PDE11A: variants seen among roughly 807,000 people sequenced by gnomAD.
PDE11A encodes dual 3',5'-cyclic-AMP and -GMP phosphodiesterase 11A.
Under a neutral mutation model 100.5 loss-of-function variants are expected in PDE11A, and 100 were observed. The ratio of observed to expected loss-of-function variants is 1.00; its 90% CI spans 0.85 to 1.18. The LOEUF (loss-of-function observed/expected upper bound fraction) is 1.18, where lower values mean the gene tolerates loss of function less well. Among genes scored for constraint, PDE11A ranks in the 50% most tolerant of loss-of-function variants. The pLI is 0.00. For missense variants in PDE11A, 1,141 were observed against 1,152.6 expected (o/e 0.99, Z 0.15); for synonymous variants, 381 against 420.8 (o/e 0.91, Z 1.16).
intron 9 of PDE11A, among the ~76,000 whole-genome samples, chr2:177,771,379 A>T (rs1198229037): frequency 6.6e-6 from 1 of 152,208 alleles, no homozygotes; most frequent in African/African-American, 2.4e-5. Flanking sequence ...GACCTATGGC[A>T]CATACCATTT....
At chr2:178,100,813 C>T (rs982366160) in intron 2 of PDE11A, among the ~76,000 whole-genome samples, 15 of 152,150 alleles carry the variant, frequency 9.9e-5, no homozygotes, top group South Asian at 8.3e-4. Flanking sequence ...TTCAAATCAA[C>T]GCTATTGAGG....
rs374942202 is a variant in PDE11A, at chr2:177,663,872, C to G, written c.2640G>C (p.Leu880Phe). 25 of 1,572,942 alleles carry G rather than the reference C, an allele frequency of 1.6e-5. 1 individual carries two copies. In the South Asian group the frequency reaches 2.8e-4, roughly 17 times the overall value. Reference sequence around the variant, plus strand: ...CCCTCCCAAATCAAAGTACCTGATACAAAGGCATGCAGATGCTATCAATCC... The same window carrying G: ...CCCTCCCAAATCAAAGTACCTGATAGAAAGGCATGCAGATGCTATCAATCC... ...LEWIDSICMPLYQALVKVNVK... is the reference protein window; with the variant it reads ...LEWIDSICMPFYQALVKVNVK... The change falls in exon 19 of 20, where the codon TTG (leucine) becomes TTC (phenylalanine). Residue 880 changes from leucine (L) to phenylalanine (F), a missense_variant. Leu to Phe is a conservative substitution (Grantham distance 22). Coordinates refer to ENST00000286063, the MANE Select transcript of PDE11A (RefSeq NM_016953.4).
intron 10 of PDE11A, among the ~76,000 whole-genome samples, chr2:177,749,414 T>C (rs1241076778): frequency 6.6e-6 from 1 of 152,192 alleles, no homozygotes; most frequent in Non-Finnish European, 1.5e-5. Context: ...ATACTTTCTT[T>C]ATATATTGTC....
chr2:177,794,826 C>T (rs2082683164), intron 9 of PDE11A, among the ~76,000 whole-genome samples: 1 of 151,968 alleles, frequency 6.6e-6, no homozygotes, highest in Admixed American at 6.6e-5. Flanking sequence ...CGCACTGTTG[C>T]CCAGGCTGGA....
At chr2:177,651,130 A>G (rs1290320560) in intron 19 of PDE11A, among the ~76,000 whole-genome samples, 1 of 152,202 alleles carries the variant, frequency 6.6e-6, no homozygotes, top group African/African-American at 2.4e-5. Flanking sequence ...ATTAAATCAG[A>G]TCATGCTTGG....
Position 178,087,549 on chromosome 2 carries a change from CTG to C in PDE11A, c.162+16751_162+16752del, listed in dbSNP as rs771801271. Reference sequence around the variant, plus strand: ...AATAATGTATTCACATGGGCATAGACTGTGAAATGACAGACAAAGGAGACTTG... The same window carrying C: ...AATAATGTATTCACATGGGCATAGACTGAAATGACAGACAAAGGAGACTTG... On this transcript the variant is annotated intron_variant, in intron 2 of 20. Transcript: ENST00000358450. 3.3e-5 allele frequency among the ~76,000 whole-genome samples: 5 copies of C among 151,918 alleles called. No individual in the cohort carries two copies. In the South Asian group the frequency reaches 1.0e-3, roughly 32 times the overall value.
At chr2:177,660,101 C>CTTTCTT in intron 19 of PDE11A, among the ~76,000 whole-genome samples, 1 of 62,178 alleles carries the variant, frequency 1.6e-5, no homozygotes, top group African/African-American at 6.2e-5. Context: ...CTTTCTTTCT[C>CTTTCTT]TCTCTCTCTC....
intron 5 of PDE11A, among the ~76,000 whole-genome samples, chr2:177,865,762 A>G (rs756632289): frequency 6.6e-6 from 1 of 152,260 alleles, no homozygotes; most frequent in Non-Finnish European, 1.5e-5. Context: ...ATGGTCACAT[A>G]TTATATAATT....
intron 19 of PDE11A, among the ~76,000 whole-genome samples, chr2:177,653,087 T>A (rs2080333473): frequency 6.6e-6 from 1 of 152,194 alleles, no homozygotes; most frequent in Non-Finnish European, 1.5e-5. Context: ...AGGGAATTGG[T>A]TCATCGAGAG....
At chr2:178,094,439 G>A (rs748222280) in intron 2 of PDE11A, among the ~76,000 whole-genome samples, 3 of 152,178 alleles carry the variant, frequency 2.0e-5, no homozygotes, top group Non-Finnish European at 4.4e-5. Flanking sequence ...GGCTGAGGCG[G>A]GATGATCAGT....
At chr2:177,989,500 C>T (rs1313858850) in intron 2 of PDE11A, among the ~76,000 whole-genome samples, 1 of 152,186 alleles carries the variant, frequency 6.6e-6, no homozygotes, top group Non-Finnish European at 1.5e-5. Flanking sequence ...ATGCCATTGA[C>T]ACAGTGGGGA....
chr2:177,914,231 A>C (rs2084921383), intron 2 of PDE11A, among the ~76,000 whole-genome samples: 1 of 152,118 alleles, frequency 6.6e-6, no homozygotes, highest in African/African-American at 2.4e-5. Context: ...TTGCTCAGTA[A>C]GTACCCTTTA....
In PDE11A at chr2:177,792,560, T is replaced by C. The variant is rs144950048; in HGVS notation, c.1738-23187A>G. Among the ~76,000 whole-genome samples the C allele has an allele frequency of 3.3e-3, 500 of 152,320 alleles. 5 individuals are homozygous for C. In the East Asian group the frequency reaches 0.046, roughly 14 times the overall value. ...CAGGAACACCATGGAGCATTTTATG[T>C]TTGAAACAGCGTGGCTCTGCTGGGA... On this transcript the variant is annotated intron_variant, in intron 9 of 19. Transcript: ENST00000286063.
intron 10 of PDE11A, among the ~76,000 whole-genome samples, chr2:177,762,939 G>T (rs983486973): frequency 1.2e-4 from 19 of 152,100 alleles, no homozygotes; most frequent in African/African-American, 4.6e-4. Context: ...TTGCAGATCT[G>T]GTTCCCCTCA....
At chr2:178,047,294 T>C (rs1302070883) in intron 1 of PDE11A, among the ~76,000 whole-genome samples, 1 of 152,064 alleles carries the variant, frequency 6.6e-6, no homozygotes. Flanking sequence ...AAACCCCGTC[T>C]TTACTAAAAA....
chr2:177,783,408 G>A (rs1249113338), intron 9 of PDE11A, among the ~76,000 whole-genome samples: 1 of 133,652 alleles, frequency 7.5e-6, no homozygotes, highest in East Asian at 2.3e-4. Context: ...TGTTTTTGAG[G>A]TGGTTTTTTT....
At chr2:178,005,334 T>C (rs181888332) in intron 2 of PDE11A, among the ~76,000 whole-genome samples, 6 of 152,074 alleles carry the variant, frequency 3.9e-5, no homozygotes, top group African/African-American at 9.6e-5. Flanking sequence ...CAGAAAAAAA[T>C]TGAATAATCT....
intron 5 of PDE11A, among the ~76,000 whole-genome samples, chr2:177,867,665 G>C (rs964942331): frequency 6.6e-6 from 1 of 152,172 alleles, no homozygotes; most frequent in African/African-American, 2.4e-5. Flanking sequence ...GGCAGAGGTT[G>C]CAGTGAGCCG....
chr2:177,743,522 G>C (rs2081905396), intron 10 of PDE11A, among the ~76,000 whole-genome samples: 1 of 152,218 alleles, frequency 6.6e-6, no homozygotes, highest in South Asian at 2.1e-4. Flanking sequence ...AGATAAAAGG[G>C]TACAGGGTAG....
Sources: allele counts gnomAD v4.1 joint callset (sites outside exome capture counted in the v4.1 genomes callset), GRCh38; gene constraint gnomAD v4.1.1; transcripts MANE v1.5; gene names NCBI Gene and HGNC (gene_info 2026-07-23, HGNC 2026-07-21).